Variants in MGMT observed in about 807,000 individuals in gnomAD.
The protein encoded by MGMT is O-6-methylguanine-DNA methyltransferase.
In MGMT, 14 loss-of-function variants were observed where a neutral mutation model predicts 15.9. That is an observed-to-expected ratio of 0.88 (90% confidence interval 0.58 to 1.37). The LOEUF (loss-of-function observed/expected upper bound fraction) is 1.37. MGMT is among the 40% of genes most tolerant of loss of function. The pLI is 0.00. For missense variants in MGMT, 282 were observed against 268.1 expected, an observed-to-expected ratio of 1.05 and a Z score of -0.36; for synonymous variants, 130 against 118.2, an observed-to-expected ratio of 1.10 and a Z score of -0.65.
chr10:129,641,045 G>A (rs1250812039), intron 2 of MGMT, among the ~76,000 whole-genome samples: 1 of 152,068 alleles, frequency 6.6e-6, no homozygotes, highest in African/African-American at 2.4e-5. Context: ...AGTACATCAA[G>A]GGAAAAAATG....
Position 129,542,942 on chromosome 10 carries a change from A to G in MGMT, c.125+6565A>G, listed in dbSNP as rs188663160. On this transcript the variant is annotated intron_variant, in intron 2 of 4. Coordinates refer to ENST00000651593, the MANE Select transcript of MGMT (RefSeq NM_002412.5). The stretch of plus-strand genomic sequence containing the variant: ...GTGACTTATGTTATCAATAACACAA[A>G]TTGTGCATATACTTCACCCCATGCT... 3.3e-5 allele frequency among the ~76,000 whole-genome samples: 5 copies of G among 152,294 alleles called. No individual in the cohort carries two copies. The East Asian group carries it at 9.7e-4, about 29-fold the overall frequency.
rs1464349975 is a variant in MGMT at position 129,532,543 on chromosome 10, C to T, written c.-12-3698C>T. The stretch of plus-strand genomic sequence containing the variant: ...TCCGGGTGGGGGACACCCCATCCCC[C>T]ATGCCCCTACTTCAGCTTGCTGGGA... On this transcript the variant is annotated intron_variant, in intron 1 of 4. Transcript: ENST00000651593. This position sits in a 1 kb window ranked among gnomAD's most constrained non-coding sequence, Gnocchi z 5.3. Among the ~76,000 whole-genome samples the T allele has an allele frequency of 6.6e-6, 1 of 152,108 alleles. No homozygotes were observed. Among genetic ancestry groups the T allele is most frequent in the African/African-American group, 2.4e-5 (1 of 41,430 alleles).
chr10:129,535,969 C>T (rs562428500), intron 1 of MGMT, among the ~76,000 whole-genome samples: 5 of 152,162 alleles, frequency 3.3e-5, no homozygotes, highest in East Asian at 1.9e-4. Flanking sequence ...TTCGGTGTTG[C>T]GTTGGTTAAA....
chr10:129,653,592 C>T (rs1847488149), intron 2 of MGMT, among the ~76,000 whole-genome samples: 1 of 152,242 alleles, frequency 6.6e-6, no homozygotes, highest in South Asian at 2.1e-4. Flanking sequence ...CACGTGGCCT[C>T]CCTGATGGTG....
intron 2 of MGMT, among the ~76,000 whole-genome samples, chr10:129,577,754 A>G (rs1846502215): frequency 6.6e-6 from 1 of 152,226 alleles, no homozygotes; most frequent in Non-Finnish European, 1.5e-5. Flanking sequence ...CAGGCAACCT[A>G]CAGAATAGGA....
intron 1 of MGMT, among the ~76,000 whole-genome samples, chr10:129,522,944 A>G (rs1845829455): frequency 6.6e-6 from 1 of 152,240 alleles, no homozygotes; most frequent in Non-Finnish European, 1.5e-5. Flanking sequence ...ATTCTCTAAG[A>G]AGTCAGTGAA....
At chr10:129,617,709 G>T (rs1357359368) in intron 2 of MGMT, among the ~76,000 whole-genome samples, 1 of 152,114 alleles carries the variant, frequency 6.6e-6, no homozygotes, top group East Asian at 1.9e-4. Context: ...TCATATGCTT[G>T]TTGGCCATAT....
At chr10:129,504,757 A>G (rs145684675) in intron 1 of MGMT, among the ~76,000 whole-genome samples, 120 of 152,272 alleles carry the variant, frequency 7.9e-4, no homozygotes, top group African/African-American at 2.8e-3. Flanking sequence ...ACATGCCACC[A>G]TGGGAAGCCT....
At chr10:129,648,410 A>G (rs1847420588) in intron 2 of MGMT, among the ~76,000 whole-genome samples, 1 of 152,166 alleles carries the variant, frequency 6.6e-6, no homozygotes, top group Admixed American at 6.5e-5. Flanking sequence ...AAATGAACCC[A>G]TAATTCAATT....
At chr10:129,655,184 C>T (rs928458644) in intron 2 of MGMT, among the ~76,000 whole-genome samples, 5 of 152,172 alleles carry the variant, frequency 3.3e-5, no homozygotes, top group African/African-American at 4.8e-5. Context: ...GACACAGTCC[C>T]GTGGGGGCCC....
chr10:129,657,592 G>GT (rs1213672869), intron 2 of MGMT, among the ~76,000 whole-genome samples: 1 of 151,146 alleles, frequency 6.6e-6, no homozygotes, highest in African/African-American at 2.4e-5. Flanking sequence ...AGTTTTAAAT[G>GT]TGGTGACTGC....
chr10:129,505,415 T>C (rs1845615586), intron 1 of MGMT, among the ~76,000 whole-genome samples: 1 of 152,244 alleles, frequency 6.6e-6, no homozygotes, highest in African/African-American at 2.4e-5. Context: ...TGTAATTTAA[T>C]ATTATGTGAT....
At chr10:129,663,767 A>G (rs1211654059) in intron 2 of MGMT, among the ~76,000 whole-genome samples, 1 of 152,220 alleles carries the variant, frequency 6.6e-6, no homozygotes, top group East Asian at 1.9e-4. Context: ...ACCCCAGTAG[A>G]GATAGAAAGC....
chr10:129,641,508 T>A (rs1847327602), intron 2 of MGMT, among the ~76,000 whole-genome samples: 1 of 152,234 alleles, frequency 6.6e-6, no homozygotes, highest in South Asian at 2.1e-4. Flanking sequence ...CACTAGAGAA[T>A]GTTAAAGTAA....
intron 2 of MGMT, among the ~76,000 whole-genome samples, chr10:129,662,639 A>G (rs527903295): frequency 1.6e-4 from 25 of 152,180 alleles, no homozygotes; most frequent in Non-Finnish European, 2.8e-4. Flanking sequence ...ATGAAATTTC[A>G]CGTTGGCTTG....
At chr10:129,714,565 C>G (rs1011803984) in intron 3 of MGMT, among the ~76,000 whole-genome samples, 2 of 151,878 alleles carry the variant, frequency 1.3e-5, no homozygotes, top group Non-Finnish European at 2.9e-5. Flanking sequence ...TACTTCTTAC[C>G]CCTCCTCAAG....
At chr10:129,761,929 A>G (rs1848878838) in intron 4 of MGMT, among the ~76,000 whole-genome samples, 1 of 152,380 alleles carries the variant, frequency 6.6e-6, no homozygotes, top group African/African-American at 2.4e-5. Context: ...CAGATATGCC[A>G]GAGATATTCC....
chr10:129,762,541 G>A (rs555765871), intron 4 of MGMT, among the ~76,000 whole-genome samples: 7 of 152,180 alleles, frequency 4.6e-5, no homozygotes, highest in Admixed American at 2.6e-4. Flanking sequence ...CCAACTCAGC[G>A]GGAGAGGATG....
intron 1 of MGMT, among the ~76,000 whole-genome samples, chr10:129,513,855 T>C (rs1163017951): frequency 6.6e-6 from 1 of 152,214 alleles, no homozygotes; most frequent in African/African-American, 2.4e-5. Flanking sequence ...CAGTGTGCAG[T>C]AAGTCCTGTG....
Sources: gnomAD v4.1 joint callset for allele counts (sites outside exome capture counted in the v4.1 genomes callset) on GRCh38, gnomAD v4.1.1 for gene constraint, Gnocchi (gnomAD v3.1) non-coding constraint, MANE v1.5 for transcripts, NCBI Gene and HGNC (gene_info 2026-07-23, HGNC 2026-07-21) for gene names.